Variants in SLC35F1 observed in about 807,000 individuals in gnomAD.
The protein encoded by SLC35F1 is chromosome 6 open reading frame 169.
Under a neutral mutation model 48.7 loss-of-function variants are expected in SLC35F1, and 14 were observed. The ratio of observed to expected loss-of-function variants is 0.29; its 90% confidence interval spans 0.19 to 0.45. The LOEUF (loss-of-function observed/expected upper bound fraction) is 0.45. Among genes scored for constraint, SLC35F1 ranks in the 20% least tolerant of loss-of-function variants. The probability of loss-of-function intolerance (pLI) is 1.00; values close to 1 mark genes in which losing one functional copy is unlikely to be tolerated. For synonymous variants in SLC35F1, 190 were observed against 202.2 expected (o/e 0.94, Z 0.51); for missense variants, 404 against 500.0 (o/e 0.81, Z 1.83).
At chr6:118,224,825 T>C (rs189916104) in intron 2 of SLC35F1, among the ~76,000 whole-genome samples, 2,683 of 152,272 alleles carry the variant, frequency 0.018, 30 homozygotes, top group Middle Eastern at 0.034. Flanking sequence ...TCTAGTTTTT[T>C]CTAAATATAA....
chr6:118,232,887 A>T (rs1365439812), intron 2 of SLC35F1, among the ~76,000 whole-genome samples: 1 of 152,150 alleles, frequency 6.6e-6, no homozygotes, highest in Non-Finnish European at 1.5e-5. Flanking sequence ...TTTGATCCTC[A>T]GTGCAATGCA....
At chr6:118,029,269 A>G (rs933655015) in intron 1 of SLC35F1, among the ~76,000 whole-genome samples, 3 of 152,168 alleles carry the variant, frequency 2.0e-5, no homozygotes, top group Non-Finnish European at 2.9e-5. Flanking sequence ...GGAAAAATAC[A>G]GTAGCCCTCC....
chr6:118,268,586 A>G (rs58753810), intron 4 of SLC35F1, among the ~76,000 whole-genome samples: 1,040 of 72,508 alleles, frequency 0.014, 21 homozygotes, highest in African/African-American at 0.062. Flanking sequence ...ATATATATGT[A>G]TATATATATA....
intron 3 of SLC35F1, among the ~76,000 whole-genome samples, chr6:118,262,436 C>T (rs138568222): frequency 4.6e-5 from 7 of 152,202 alleles, no homozygotes; most frequent in African/African-American, 9.6e-5. Flanking sequence ...AATTAAATGA[C>T]GCTTCAATCT....
At chr6:118,086,428 C>A (rs940782382) in intron 1 of SLC35F1, among the ~76,000 whole-genome samples, 2 of 152,198 alleles carry the variant, frequency 1.3e-5, no homozygotes, top group African/African-American at 4.8e-5. Context: ...GATACTTGAA[C>A]TCACTCAGAG....
intron 1 of SLC35F1, among the ~76,000 whole-genome samples, chr6:117,978,857 C>G (rs1404951026): frequency 1.3e-5 from 2 of 152,174 alleles, no homozygotes; most frequent in Non-Finnish European, 2.9e-5. Context: ...CTTCATGTGT[C>G]TGAAATTCCA....
chr6:118,213,906 A>G (rs1441871235), intron 2 of SLC35F1, among the ~76,000 whole-genome samples: 1 of 152,230 alleles, frequency 6.6e-6, no homozygotes, highest in Non-Finnish European at 1.5e-5. Context: ...AGGAAAGTGA[A>G]CACTTCAACT....
intron 7 of SLC35F1, among the ~76,000 whole-genome samples, chr6:118,289,682 C>A (rs1283280090): frequency 6.6e-6 from 1 of 151,942 alleles, no homozygotes; most frequent in Non-Finnish European, 1.5e-5. Flanking sequence ...ATTATATAAG[C>A]CTAAATTTGT....
chr6:118,095,472 G>C (rs1773139995), intron 1 of SLC35F1, among the ~76,000 whole-genome samples: 1 of 151,862 alleles, frequency 6.6e-6, no homozygotes, highest in Admixed American at 6.6e-5. Context: ...TGCTTGACAG[G>C]ATTTTTTTTT....
intron 1 of SLC35F1, among the ~76,000 whole-genome samples, chr6:118,153,978 G>C (rs1445110045): frequency 1.3e-5 from 2 of 152,220 alleles, no homozygotes; most frequent in Non-Finnish European, 2.9e-5. Context: ...AAAGAAAAGA[G>C]TCTCCCTTTA....
At chr6:117,978,298 C>A (rs145773471) in intron 1 of SLC35F1, among the ~76,000 whole-genome samples, 6 of 152,196 alleles carry the variant, frequency 3.9e-5, no homozygotes, top group Non-Finnish European at 8.8e-5. Context: ...CCCTGGCCCC[C>A]ACCCTCTCCA....
At chr6:117,923,801 A>G (rs1181368725) in intron 1 of SLC35F1, among the ~76,000 whole-genome samples, 1 of 117,882 alleles carries the variant, frequency 8.5e-6, no homozygotes, top group African/African-American at 2.7e-5. Flanking sequence ...GTACATATAT[A>G]CATATACACA....
intron 2 of SLC35F1, among the ~76,000 whole-genome samples, chr6:118,188,030 T>C (rs1774683022): frequency 6.6e-6 from 1 of 152,206 alleles, no homozygotes; most frequent in Non-Finnish European, 1.5e-5. Context: ...TGTAACTATC[T>C]TTAACTTGAG....
At chr6:117,915,607 G>A (rs940646086) in intron 1 of SLC35F1, among the ~76,000 whole-genome samples, 1 of 152,208 alleles carries the variant, frequency 6.6e-6, no homozygotes, top group Admixed American at 6.5e-5. Flanking sequence ...ACAAAGGGAA[G>A]AAGAGGGAAT....
intron 1 of SLC35F1, among the ~76,000 whole-genome samples, chr6:118,012,328 A>G (rs950190882): frequency 1.4e-5 from 2 of 145,856 alleles, no homozygotes; most frequent in African/African-American, 5.4e-5. Flanking sequence ...TAAATGGGGA[A>G]AAAAAAAAAA....
chr6:118,307,937 T>C (rs1234222898), intron 7 of SLC35F1, among the ~76,000 whole-genome samples: 2 of 152,000 alleles, frequency 1.3e-5, no homozygotes, highest in African/African-American at 4.8e-5. Flanking sequence ...CTGCCAAGAG[T>C]TGAGCTGTAT....
At chr6:117,929,141 C>A (rs1052029629) in intron 1 of SLC35F1, among the ~76,000 whole-genome samples, 1 of 152,094 alleles carries the variant, frequency 6.6e-6, no homozygotes, top group South Asian at 2.1e-4. Context: ...TTTCTTACCC[C>A]TCTCTAATTC....
chr6:118,139,613 G>T (rs1001484926), intron 1 of SLC35F1, among the ~76,000 whole-genome samples: 4 of 152,142 alleles, frequency 2.6e-5, no homozygotes, highest in Non-Finnish European at 5.9e-5. Context: ...TGGGTTGTTG[G>T]TGGCCATGAA....
intron 1 of SLC35F1, among the ~76,000 whole-genome samples, chr6:117,923,646 C>CATATGTATACAT (rs1775944215): frequency 9.8e-6 from 1 of 102,012 alleles, no homozygotes; most frequent in African/African-American, 4.1e-5. Flanking sequence ...TACATATGTA[C>CATATGTATACAT]ATATGTACAT....
Sources: gnomAD v4.1 joint callset for allele counts (sites outside exome capture counted in the v4.1 genomes callset) on GRCh38, gnomAD v4.1.1 for gene constraint, MANE v1.5 for transcripts, NCBI Gene and HGNC (gene_info 2026-07-23, HGNC 2026-07-21) for gene names.